PCDH11X: variants seen among roughly 807,000 people sequenced by gnomAD.
The protein encoded by PCDH11X is protocadherin-11 X-linked.
A neutral mutation model predicts 53.3 loss-of-function variants in PCDH11X; 18 were observed. That is an observed-to-expected ratio of 0.34 (90% CI 0.23 to 0.50). The LOEUF (loss-of-function observed/expected upper bound fraction) is 0.50, where lower values mean the gene tolerates loss of function less well. PCDH11X is among the 20% of genes least tolerant of loss of function. The probability of loss-of-function intolerance (pLI) is 0.98; values close to 1 mark genes in which losing one functional copy is unlikely to be tolerated. For synonymous variants in PCDH11X, 279 were observed against 393.3 expected (o/e 0.71, Z 3.44); for missense variants, 570 against 1,032.4 (o/e 0.55, Z 6.14).
chrX:92,340,570 A>G (rs892956235), intron 8 of PCDH11X, among the ~76,000 whole-genome samples: 3 of 112,153 alleles, frequency 2.7e-5, no homozygotes, highest in African/African-American at 6.5e-5. Flanking sequence ...TATGACTTGC[A>G]TCTTCTGAAG....
chrX:91,928,431 C>A (rs1351939134), intron 6 of PCDH11X, among the ~76,000 whole-genome samples: 1 of 99,745 alleles, frequency 1.0e-5, no homozygotes, highest in African/African-American at 3.6e-5. Context: ...AAAATACTTA[C>A]TGTAAAACAA....
chrX:92,014,402 T>C (rs2062752237), intron 6 of PCDH11X, among the ~76,000 whole-genome samples: 1 of 109,601 alleles, frequency 9.1e-6, no homozygotes, highest in Non-Finnish European at 1.9e-5. Flanking sequence ...CTGGAGAGGA[T>C]GTGGAGAAAT....
chrX:92,184,352 G>T (rs1224299807), intron 6 of PCDH11X, among the ~76,000 whole-genome samples: 2 of 112,126 alleles, frequency 1.8e-5, no homozygotes, highest in Non-Finnish European at 3.8e-5. Flanking sequence ...AAAATGGAAA[G>T]ACATCTTATT....
chrX:91,809,980 A>C (rs778937749), intron 2 of PCDH11X, among the ~76,000 whole-genome samples: 28 of 111,454 alleles, frequency 2.5e-4, no homozygotes, highest in African/African-American at 8.5e-4. Flanking sequence ...TATTAGTATC[A>C]TTATTATCAC....
At position 92,621,997 on chromosome X, in the gene PCDH11X, G is replaced by A. The variant is rs1243556317; in HGVS notation, c.*3057G>A. On this transcript the variant is annotated 3_prime_UTR_variant, in exon 11 of 11. Transcript: ENST00000682573. ...AAATACTAAGTATCTTATATGCTAC[G>A]TGCATACACATTCTTTTCTTAAACT... 1 of 100,624 alleles carries A rather than the reference G, an allele frequency of 9.9e-6. No individual in the cohort carries two copies. Among genetic ancestry groups the A allele is most frequent in the African/African-American group, 3.7e-5 (1 of 27,355 alleles). The allele number at this position is 100,624 out of a possible 1,213,427, so 8.3% of individuals were successfully genotyped here.
At chrX:92,333,821 T>A in intron 8 of PCDH11X, among the ~76,000 whole-genome samples, 1 of 109,173 alleles carries the variant, frequency 9.2e-6, no homozygotes, top group East Asian at 2.9e-4. Flanking sequence ...AGAAAAACCA[T>A]AAAGTATTTT....
intron 6 of PCDH11X, among the ~76,000 whole-genome samples, chrX:92,052,734 T>C (rs1203035877): frequency 4.7e-5 from 4 of 85,644 alleles, no homozygotes; most frequent in Non-Finnish European, 9.0e-5. Flanking sequence ...ATATTCTATA[T>C]ACTTGTAATA....
At chrX:91,947,405 A>T (rs1362032964) in intron 6 of PCDH11X, among the ~76,000 whole-genome samples, 1 of 101,781 alleles carries the variant, frequency 9.8e-6, no homozygotes, top group African/African-American at 3.6e-5. Flanking sequence ...TGTGTTTTGC[A>T]TACATACACT....
intron 9 of PCDH11X, among the ~76,000 whole-genome samples, chrX:92,451,020 A>T (rs1187918559): frequency 9.1e-6 from 1 of 110,470 alleles, no homozygotes; most frequent in Non-Finnish European, 1.9e-5. Flanking sequence ...CTGTCAAAAA[A>T]GTTTCCAATT....
intron 6 of PCDH11X, among the ~76,000 whole-genome samples, chrX:92,085,458 A>G (rs774185131): frequency 3.9e-5 from 4 of 102,245 alleles, no homozygotes; most frequent in Middle Eastern, 5.0e-3. Context: ...TCATTCTCTA[A>G]AAGTCTTTTC....
intron 5 of PCDH11X, among the ~76,000 whole-genome samples, chrX:91,837,437 C>T (rs1200334444): frequency 9.0e-6 from 1 of 111,055 alleles, no homozygotes; most frequent in Non-Finnish European, 1.9e-5. Flanking sequence ...GGGTGAAGTT[C>T]CTGCAATGAC....
At chrX:92,450,321 T>C (rs1334117458) in intron 9 of PCDH11X, among the ~76,000 whole-genome samples, 1 of 106,376 alleles carries the variant, frequency 9.4e-6, no homozygotes, top group Admixed American at 1.0e-4. Flanking sequence ...AGCAATCAGA[T>C]GAACAGGTAA....
chrX:92,063,394 T>C (rs963922181), intron 6 of PCDH11X, among the ~76,000 whole-genome samples: 1 of 111,439 alleles, frequency 9.0e-6, no homozygotes, highest in African/African-American at 3.3e-5. Flanking sequence ...AGTGAGTTTT[T>C]AGCTCTATCT....
intron 6 of PCDH11X, among the ~76,000 whole-genome samples, chrX:92,029,467 A>C (rs1167606608): frequency 1.8e-5 from 2 of 111,898 alleles, no homozygotes; most frequent in Non-Finnish European, 3.8e-5. Flanking sequence ...TGACATCATC[A>C]GAAGTTGGAG....
chrX:92,021,294 A>G (rs1332279498), intron 6 of PCDH11X, among the ~76,000 whole-genome samples: 5 of 108,302 alleles, frequency 4.6e-5, no homozygotes, highest in Non-Finnish European at 7.6e-5. Context: ...AGGAGCTGCT[A>G]ACTAGAATAA....
intron 10 of PCDH11X, among the ~76,000 whole-genome samples, chrX:92,517,503 T>G (rs1426342234): frequency 9.0e-6 from 1 of 111,490 alleles, no homozygotes; most frequent in Non-Finnish European, 1.9e-5. Flanking sequence ...ATTAATCATG[T>G]GAACTAGTTT....
chrX:91,989,093 C>A (rs1162393319), intron 6 of PCDH11X, among the ~76,000 whole-genome samples: 6 of 110,621 alleles, frequency 5.4e-5, no homozygotes, highest in Middle Eastern at 4.7e-3. Context: ...GACCCTGTTT[C>A]ATTGGACAGT....
At chrX:92,325,752 C>A (rs1569465330) in intron 8 of PCDH11X, among the ~76,000 whole-genome samples, 2 of 110,539 alleles carry the variant, frequency 1.8e-5, no homozygotes, top group East Asian at 5.8e-4. Context: ...ACCCCTTAAT[C>A]TAGCACTTGT....
chrX:92,091,213 G>T (rs1397436607), intron 6 of PCDH11X, among the ~76,000 whole-genome samples: 1 of 111,091 alleles, frequency 9.0e-6, no homozygotes, highest in Non-Finnish European at 1.9e-5. Context: ...TTAGAAGACT[G>T]CAGAGTTATG....
Sources: allele counts gnomAD v4.1 joint callset (sites outside exome capture counted in the v4.1 genomes callset), GRCh38; gene constraint gnomAD v4.1.1; transcripts MANE v1.5; gene names NCBI Gene and HGNC (gene_info 2026-07-23, HGNC 2026-07-21).